TRDN: variants seen among roughly 807,000 people sequenced by gnomAD.
TRDN encodes the protein triadin in skeletal muscle.
In TRDN, 161 loss-of-function variants were observed where a neutral mutation model predicts 149.7. The ratio of observed to expected loss-of-function variants is 1.08; its 90% CI spans 0.95 to 1.23. The LOEUF is 1.23. Ranked by LOEUF, TRDN falls within the 50% of genes most tolerant of loss-of-function variation. The pLI, the probability that TRDN is intolerant of heterozygous loss-of-function variation, is 0.00. For synonymous variants in TRDN, 294 were observed against 250.5 expected (o/e 1.17, Z -1.64); for missense variants, 896 against 823.5 (o/e 1.09, Z -1.08).
chr6:123,296,946 T>C (rs767824362), intron 24 of TRDN, among the ~76,000 whole-genome samples: 7 of 152,192 alleles, frequency 4.6e-5, no homozygotes, highest in African/African-American at 1.2e-4. Context: ...TCAGGATAGA[T>C]AGAAAAGTGA....
chr6:123,633,154 G>A (rs543789565), intron 1 of TRDN, among the ~76,000 whole-genome samples: 20 of 152,136 alleles, frequency 1.3e-4, no homozygotes, highest in African/African-American at 3.9e-4. Context: ...TGAACTAAGC[G>A]TTCTAGTAAA....
chr6:123,614,059 C>G (rs1427065590), intron 1 of TRDN, among the ~76,000 whole-genome samples: 1 of 151,918 alleles, frequency 6.6e-6, no homozygotes, highest in African/African-American at 2.4e-5. Flanking sequence ...AAACTGTGCT[C>G]TAAGACCAGC....
Position 123,550,185 on chromosome 6 carries a change from T to C in TRDN, c.233-1573A>G, listed in dbSNP as rs369811284. 3.3e-5 allele frequency among the ~76,000 whole-genome samples: 5 copies of C among 152,010 alleles called. No individual in the cohort carries two copies. In the East Asian group the frequency reaches 5.8e-4, roughly 18 times the overall value. On this transcript the variant is annotated intron_variant, in intron 2 of 40. Transcript: ENST00000334268. Reference sequence around the variant, plus strand: ...ACAATGAGTGAGATCACCAAGGAAGTTGACCCAGAGACACTTTAACAAATG... The same window carrying C: ...ACAATGAGTGAGATCACCAAGGAAGCTGACCCAGAGACACTTTAACAAATG...
At chr6:123,409,641 A>C (rs2114509043) in intron 12 of TRDN, among the ~76,000 whole-genome samples, 1 of 152,146 alleles carries the variant, frequency 6.6e-6, no homozygotes, top group East Asian at 1.9e-4. Context: ...CATGACATTC[A>C]CTTCACAAAA....
chr6:123,359,650 A>C (rs1162815045), intron 20 of TRDN, among the ~76,000 whole-genome samples: 2 of 152,168 alleles, frequency 1.3e-5, no homozygotes, highest in African/African-American at 4.8e-5. Flanking sequence ...AGAGAAAATG[A>C]GGACTTTAGG....
At chr6:123,505,704 T>A (rs1055659096) in intron 7 of TRDN, among the ~76,000 whole-genome samples, 2 of 142,264 alleles carry the variant, frequency 1.4e-5, no homozygotes, top group Non-Finnish European at 1.6e-5. Flanking sequence ...CTCTATAAAC[T>A]TTTTTTTTTT....
chr6:123,444,778 T>C (rs1404847120), intron 10 of TRDN, among the ~76,000 whole-genome samples: 6 of 152,294 alleles, frequency 3.9e-5, no homozygotes, highest in Middle Eastern at 3.4e-3. Context: ...TTGAGATAAT[T>C]ATGTGGTTTT....
At chr6:123,228,976 G>A (rs1009452969) in intron 38 of TRDN, among the ~76,000 whole-genome samples, 4 of 151,968 alleles carry the variant, frequency 2.6e-5, no homozygotes, top group African/African-American at 9.7e-5. Flanking sequence ...AGACAATGAA[G>A]AGGTAAGCAT....
chr6:123,463,357 TAATAAATAAATAAATA>T (rs374409398), intron 10 of TRDN, among the ~76,000 whole-genome samples: 1 of 146,136 alleles, frequency 6.8e-6, no homozygotes, highest in Non-Finnish European at 1.5e-5. Flanking sequence ...AAAAAATAAA[TAATAAATAAATAAATA>T]AATAAATAAA....
Position 123,512,302 on chromosome 6 carries a change from C to G in TRDN, c.610+1G>C. ...ATGGAAATAATAAATTGAAAAGTTA[C>G]CTTTCGCCAGTGTCTTTGTTTCTGG... On this transcript the variant is annotated splice_donor_variant, in intron 7 of 40. Coordinates refer to ENST00000334268, the MANE Select transcript of TRDN (RefSeq NM_006073.4). LOFTEE classifies it high-confidence loss of function. The G allele has an allele frequency of 6.9e-7, 1 of 1,455,470 alleles. No homozygotes were observed. Among genetic ancestry groups the G allele is most frequent in the Non-Finnish European group, 9.4e-7 (1 of 1,059,470 alleles). The allele number at this position is 1,455,470 out of a possible 1,614,324, so 90.2% of individuals were successfully genotyped here.
At chr6:123,427,319 A>G (rs1197351910) in intron 12 of TRDN, among the ~76,000 whole-genome samples, 1 of 151,764 alleles carries the variant, frequency 6.6e-6, no homozygotes, top group Non-Finnish European at 1.5e-5. Context: ...GAAGAGTAAG[A>G]CAAGTGGCTA....
intron 37 of TRDN, among the ~76,000 whole-genome samples, chr6:123,253,536 CAT>C (rs1022042245): frequency 2.0e-5 from 3 of 152,076 alleles, no homozygotes; most frequent in African/African-American, 7.2e-5. Flanking sequence ...CTAAGACTAA[CAT>C]GTTATTATTT....
chr6:123,400,718 GAACAGTATGATCTAAA>G (rs1772931163), intron 12 of TRDN, among the ~76,000 whole-genome samples: 1 of 152,092 alleles, frequency 6.6e-6, no homozygotes, highest in Non-Finnish European at 1.5e-5. Flanking sequence ...GGGTGTCATA[GAACAGTATGATCTAAA>G]TATAGCACTT....
intron 13 of TRDN, among the ~76,000 whole-genome samples, chr6:123,391,163 T>TC (rs1450203029): frequency 6.6e-6 from 1 of 152,040 alleles, no homozygotes; most frequent in Non-Finnish European, 1.5e-5. Context: ...ACTAGATTGA[T>TC]CCCCCATCTA....
At chr6:123,619,390 T>A (rs1308834147) in intron 1 of TRDN, among the ~76,000 whole-genome samples, 1 of 152,174 alleles carries the variant, frequency 6.6e-6, no homozygotes, top group African/African-American at 2.4e-5. Flanking sequence ...GGCTGGAAGC[T>A]TGGCTGGGTT....
At chr6:123,451,828 C>G (rs6931676) in intron 10 of TRDN, among the ~76,000 whole-genome samples, 3 of 151,896 alleles carry the variant, frequency 2.0e-5, no homozygotes, top group Non-Finnish European at 4.4e-5. Context: ...CCTTGATGAA[C>G]ATAAATGTTA....
intron 24 of TRDN, among the ~76,000 whole-genome samples, chr6:123,286,469 T>G (rs752505235): frequency 6.6e-6 from 1 of 152,064 alleles, no homozygotes; most frequent in South Asian, 2.1e-4. Flanking sequence ...GAGTGAGAGA[T>G]AAGCTATGAG....
intron 24 of TRDN, among the ~76,000 whole-genome samples, chr6:123,316,212 T>C (rs566806804): frequency 1.3e-5 from 2 of 152,052 alleles, no homozygotes; most frequent in African/African-American, 2.4e-5. Flanking sequence ...TGCTAATGGT[T>C]CTAGTGCTTT....
At chr6:123,358,889 T>C (rs1278939632) in intron 20 of TRDN, among the ~76,000 whole-genome samples, 1 of 152,112 alleles carries the variant, frequency 6.6e-6, no homozygotes, top group African/African-American at 2.4e-5. Flanking sequence ...CCGTTTGAAG[T>C]GTCCCTCATA....
Sources: allele counts gnomAD v4.1 joint callset (sites outside exome capture counted in the v4.1 genomes callset), GRCh38; gene constraint gnomAD v4.1.1; transcripts MANE v1.5; gene names NCBI Gene and HGNC (gene_info 2026-07-23, HGNC 2026-07-21).